The following CDH4 variants were observed in gnomAD, a reference collection of about 807,000 sequenced individuals.
CDH4 encodes cadherin-4.
Under a neutral mutation model 86.0 loss-of-function variants are expected in CDH4, and 33 were observed. The ratio of observed to expected loss-of-function variants is 0.38; its 90% CI spans 0.29 to 0.51. The LOEUF is 0.51. CDH4 is among the 20% of genes least tolerant of loss of function. The probability of loss-of-function intolerance (pLI) is 0.86; values close to 1 mark genes in which losing one functional copy is unlikely to be tolerated. For synonymous variants in CDH4, 555 were observed against 549.4 expected, an observed-to-expected ratio of 1.01 and a Z score of -0.14; for missense variants, 1,114 against 1,307.4, an observed-to-expected ratio of 0.85 and a Z score of 2.28.
intron 2 of CDH4, among the ~76,000 whole-genome samples, chr20:61,579,528 C>T (rs950041295): frequency 2.0e-5 from 3 of 152,070 alleles, no homozygotes; most frequent in Non-Finnish European, 4.4e-5. Flanking sequence ...CTCAGATGAT[C>T]CTCCTGCCTC....
chr20:61,664,623 C>T (rs1288295742), intron 2 of CDH4, among the ~76,000 whole-genome samples: 1 of 152,244 alleles, frequency 6.6e-6, no homozygotes, highest in East Asian at 1.9e-4. Flanking sequence ...CTCACACGAA[C>T]ACTTCTACTC....
At position 61,683,517 on chromosome 20, in the gene CDH4, C is replaced by T. The variant is rs377383404; in HGVS notation, c.170-60046C>T. 4.2e-4 allele frequency among the ~76,000 whole-genome samples: 64 copies of T among 152,138 alleles called. 1 individual carries two copies. Among genetic ancestry groups the T allele is most frequent in the African/African-American group, 1.4e-3 (57 of 41,426 alleles). ...GGAGTGCGGCCCAGGCAGATGGTACCAGAACGGGGTGCCGTGCTAGAAGAG... is the reference window on the plus strand; with the variant it reads ...GGAGTGCGGCCCAGGCAGATGGTACTAGAACGGGGTGCCGTGCTAGAAGAG... On this transcript the variant is annotated intron_variant, in intron 2 of 15. Coordinates refer to ENST00000614565, the MANE Select transcript of CDH4 (RefSeq NM_001794.5).
chr20:61,522,302 G>A (rs951249911), intron 2 of CDH4, among the ~76,000 whole-genome samples: 1 of 150,568 alleles, frequency 6.6e-6, no homozygotes, highest in Non-Finnish European at 1.5e-5. Flanking sequence ...TGGAGCGGGT[G>A]GGGAGGGATC....
At chr20:61,473,027 G>A (rs886126986) in intron 2 of CDH4, among the ~76,000 whole-genome samples, 6 of 152,128 alleles carry the variant, frequency 3.9e-5, no homozygotes, top group African/African-American at 1.4e-4. Flanking sequence ...GGGGAGGGGA[G>A]GGGATTGAGC....
rs1008721626 is a variant in CDH4 at position 61,902,648 on chromosome 20, G to A, written c.1188+7601G>A. On this transcript the variant is annotated intron_variant, in intron 8 of 15. Coordinates refer to ENST00000614565, the MANE Select transcript of CDH4 (RefSeq NM_001794.5). The surrounding 1 kb of genome is among the most constrained non-coding windows in gnomAD (Gnocchi z 4.6). ...AAACAACCACAGACAAAACAGAAGC[G>A]AGTGGGTGTGGCCATGTCCCAATAA... is the stretch of plus-strand genomic sequence containing the variant. 4.6e-5 allele frequency among the ~76,000 whole-genome samples: 7 copies of A among 152,208 alleles called. No individual in the cohort carries two copies. The highest frequency in any genetic ancestry group is 7.2e-5 in the African/African-American group (3 of 41,446).
At chr20:61,688,337 C>T (rs951527497) in intron 2 of CDH4, among the ~76,000 whole-genome samples, 6 of 151,806 alleles carry the variant, frequency 4.0e-5, no homozygotes, top group African/African-American at 1.4e-4. Context: ...CCTCTCTCCC[C>T]ATTGTGTCCT....
At position 61,765,679 on chromosome 20, in the gene CDH4, C is replaced by T. The variant is rs1033147547; in HGVS notation, c.397-7324C>T. ...CTGTCCTGGTAGGGACCAGCCTGGG[C>T]GTGGCACATTTCAGGAACAGCAAGA... On this transcript the variant is annotated intron_variant, in intron 3 of 15. Transcript: ENST00000614565. Among the ~76,000 whole-genome samples the T allele has an allele frequency of 3.9e-5, 6 of 152,060 alleles. No homozygotes were observed. The East Asian group carries it at 9.7e-4, about 25-fold the overall frequency.
intron 7 of CDH4, among the ~76,000 whole-genome samples, chr20:61,891,828 G>A (rs1984835895): frequency 6.6e-6 from 1 of 152,170 alleles, no homozygotes; most frequent in Non-Finnish European, 1.5e-5. Flanking sequence ...TCACCTTCAG[G>A]CAGTGTGACT....
intron 2 of CDH4, among the ~76,000 whole-genome samples, chr20:61,463,541 T>C (rs1358957757): frequency 6.6e-6 from 1 of 152,232 alleles, no homozygotes; most frequent in Non-Finnish European, 1.5e-5. Flanking sequence ...ACTGCACCAT[T>C]GTGCAGGGCA....
intron 2 of CDH4, among the ~76,000 whole-genome samples, chr20:61,323,830 A>G (rs1168882365): frequency 1.3e-5 from 2 of 152,224 alleles, no homozygotes; most frequent in Non-Finnish European, 1.5e-5. Flanking sequence ...AGCATTTCAA[A>G]GAGGCTTGTT....
Position 61,298,217 on chromosome 20 carries a change from C to T in CDH4, c.169+43280C>T, listed in dbSNP as rs1169201493. Among the ~76,000 whole-genome samples, 3 of 152,262 alleles carry T rather than the reference C, an allele frequency of 2.0e-5. No individual in the cohort carries two copies. In the East Asian group the frequency reaches 5.8e-4, roughly 29 times the overall value. On this transcript the variant is annotated intron_variant, in intron 2 of 15. Transcript: ENST00000614565. The stretch of plus-strand genomic sequence containing the variant: ...GCGGCTGCCTAACCGTGGACACCAG[C>T]ACGATGACTCAGTCCTGACCGCTAT...
chr20:61,317,125 T>TC (rs898825604), intron 2 of CDH4, among the ~76,000 whole-genome samples: 13 of 152,094 alleles, frequency 8.5e-5, no homozygotes, highest in Admixed American at 2.0e-4. Flanking sequence ...ATGCCTGTGA[T>TC]CCCGGCACTT....
At chr20:61,791,721 T>C (rs992568295) in intron 4 of CDH4, among the ~76,000 whole-genome samples, 1 of 152,144 alleles carries the variant, frequency 6.6e-6, no homozygotes, top group Non-Finnish European at 1.5e-5. Flanking sequence ...AGATGGGACG[T>C]GCCAGCCAAG....
chr20:61,372,273 G>T (rs1253839843), intron 2 of CDH4, among the ~76,000 whole-genome samples: 1 of 152,206 alleles, frequency 6.6e-6, no homozygotes, highest in East Asian at 1.9e-4. Flanking sequence ...CTGGCCCATG[G>T]GTCTGTCCCA....
chr20:61,565,170 G>GGGTGGTGAT (rs2086263106), intron 2 of CDH4, among the ~76,000 whole-genome samples: 1 of 127,148 alleles, frequency 7.9e-6, no homozygotes, highest in African/African-American at 3.0e-5. Context: ...CTTGGTGATG[G>GGGTGGTGAT]GGTGGTGGTG....
chr20:61,291,961 T>C (rs1329693559), intron 2 of CDH4, among the ~76,000 whole-genome samples: 1 of 152,154 alleles, frequency 6.6e-6, no homozygotes, highest in Non-Finnish European at 1.5e-5. Flanking sequence ...TCAGTTCTTA[T>C]CATTTAGCTC....
intron 12 of CDH4, 24 bp downstream of exon 12, chr20:61,928,447 G>A: frequency 1.9e-6 from 3 of 1,604,852 alleles, no homozygotes; most frequent in Non-Finnish European, 2.6e-6. Flanking sequence ...AGGCCACGGG[G>A]AGGGTCAGAC....
intron 2 of CDH4, among the ~76,000 whole-genome samples, chr20:61,618,872 C>T (rs1257214023): frequency 6.6e-6 from 1 of 152,208 alleles, no homozygotes; most frequent in Non-Finnish European, 1.5e-5. Context: ...GCCTTCTGTT[C>T]TTTCTGTGGC....
chr20:61,455,229 AGCATATACACT>A (rs1203807528), intron 2 of CDH4, among the ~76,000 whole-genome samples: 1 of 152,232 alleles, frequency 6.6e-6, no homozygotes, highest in Non-Finnish European at 1.5e-5. Context: ...TGAGATGGAA[AGCATATACACT>A]GCTTGGTGAT....
Sources: gnomAD v4.1 joint callset for allele counts (sites outside exome capture counted in the v4.1 genomes callset) on GRCh38, gnomAD v4.1.1 for gene constraint, Gnocchi (gnomAD v3.1) non-coding constraint, MANE v1.5 for transcripts, NCBI Gene and HGNC (gene_info 2026-07-23, HGNC 2026-07-21) for gene names.